SETBP1: variants seen among roughly 807,000 people sequenced by gnomAD.
The protein encoded by SETBP1 is SET-binding protein.
Under a neutral mutation model 101.0 loss-of-function variants are expected in SETBP1, and 9 were observed. That is an observed-to-expected ratio of 0.09 (90% CI 0.05 to 0.16). The LOEUF is 0.16. Among genes scored for constraint, SETBP1 ranks in the 10% least tolerant of loss-of-function variants. The pLI is 1.00. For synonymous variants in SETBP1, 818 were observed against 788.5 expected (o/e 1.04, Z -0.63); for missense variants, 1,858 against 2,033.8 (o/e 0.91, Z 1.66).
At chr18:44,789,162 T>G (rs1176441119) in intron 2 of SETBP1, among the ~76,000 whole-genome samples, 1 of 152,126 alleles carries the variant, frequency 6.6e-6, no homozygotes, top group Non-Finnish European at 1.5e-5. Context: ...AATGGACTTT[T>G]TGACTCGTTT....
At chr18:45,051,168 T>G (rs766339324) in intron 5 of SETBP1, among the ~76,000 whole-genome samples, 1 of 152,200 alleles carries the variant, frequency 6.6e-6, no homozygotes, top group Non-Finnish European at 1.5e-5. Flanking sequence ...TACACTAACT[T>G]TTCCTAGAAT....
In SETBP1 at chr18:45,056,735, G is replaced by T. The variant is rs2073814694; in HGVS notation, c.4172-6344G>T. 2.0e-5 allele frequency among the ~76,000 whole-genome samples: 3 copies of T among 152,124 alleles called. No homozygotes were observed. In the South Asian group the frequency reaches 6.2e-4, roughly 31 times the overall value. ...AGCTGCCCTGGGGCACTAACTGTTT[G>T]GTGGCCTAGCCCACTTCAGAGCTCA... On this transcript the variant is annotated intron_variant, in intron 5 of 5. Transcript: ENST00000649279.
At chr18:44,860,783 G>A (rs1031339832) in intron 2 of SETBP1, among the ~76,000 whole-genome samples, 4 of 151,826 alleles carry the variant, frequency 2.6e-5, no homozygotes, top group Admixed American at 6.6e-5. Context: ...GAAAGGGAAG[G>A]CATTTTCCCC....
At chr18:44,705,493 G>A (rs2069198794) in intron 2 of SETBP1, among the ~76,000 whole-genome samples, 1 of 152,188 alleles carries the variant, frequency 6.6e-6, no homozygotes, top group Admixed American at 6.5e-5. Flanking sequence ...CAGCCTCCAA[G>A]TTTGGAGGCT....
chr18:44,762,604 T>C (rs945832242), intron 2 of SETBP1, among the ~76,000 whole-genome samples: 1 of 152,180 alleles, frequency 6.6e-6, no homozygotes, highest in East Asian at 1.9e-4. Context: ...TAATTATTTT[T>C]CAAACAGATA....
chr18:44,712,366 C>G (rs1354131534), intron 2 of SETBP1, among the ~76,000 whole-genome samples: 33 of 152,166 alleles, frequency 2.2e-4, no homozygotes. Flanking sequence ...ATAAACTTGC[C>G]CAGGAGTGTG....
At chr18:44,698,368 A>G (rs2069055027) in intron 1 of SETBP1, among the ~76,000 whole-genome samples, 1 of 152,206 alleles carries the variant, frequency 6.6e-6, no homozygotes, top group Non-Finnish European at 1.5e-5. Context: ...CATTACCTGT[A>G]AGATAAAATC....
At chr18:45,020,856 T>C (rs1177375540) in intron 4 of SETBP1, among the ~76,000 whole-genome samples, 1 of 152,238 alleles carries the variant, frequency 6.6e-6, no homozygotes, top group Non-Finnish European at 1.5e-5. Context: ...CAGTGCAATG[T>C]GCTTTGTTCT....
intron 3 of SETBP1, among the ~76,000 whole-genome samples, chr18:44,930,753 GT>G (rs1369355306): frequency 2.0e-5 from 3 of 152,102 alleles, no homozygotes; most frequent in Non-Finnish European, 4.4e-5. Flanking sequence ...TCTGATGGTA[GT>G]TTGTAATTCT....
intron 2 of SETBP1, among the ~76,000 whole-genome samples, chr18:44,855,568 A>T (rs960019369): frequency 6.6e-6 from 1 of 152,222 alleles, no homozygotes; most frequent in Non-Finnish European, 1.5e-5. Flanking sequence ...GGGCCAACTC[A>T]TGCTAGGTGG....
intron 2 of SETBP1, among the ~76,000 whole-genome samples, chr18:44,730,597 A>G (rs967533383): frequency 3.9e-5 from 6 of 152,102 alleles, no homozygotes; most frequent in African/African-American, 1.4e-4. Flanking sequence ...TTTGCCTACC[A>G]AGAAGAAAGC....
intron 2 of SETBP1, among the ~76,000 whole-genome samples, chr18:44,759,097 A>G (rs2070576217): frequency 6.6e-6 from 1 of 152,162 alleles, no homozygotes; most frequent in Non-Finnish European, 1.5e-5. Context: ...CCCTTAGTTC[A>G]TAATTGGTGA....
rs1391934033 is a variant in SETBP1, at chr18:44,805,725, C to T, written c.487-63505C>T. On this transcript the variant is annotated intron_variant, in intron 2 of 5. Transcript: ENST00000649279. ...GAGACTGTCATCTTTTTCTTGATTT[C>T]GCCATAGCCTGACCATGGCCTTGAG... Among the ~76,000 whole-genome samples, 6 of 151,954 alleles carry T rather than the reference C, an allele frequency of 3.9e-5. No individual in the cohort carries two copies. In the East Asian group the frequency reaches 7.7e-4, roughly 20 times the overall value.
chr18:44,844,525 A>G (rs1694091719), intron 2 of SETBP1, among the ~76,000 whole-genome samples: 1 of 152,156 alleles, frequency 6.6e-6, no homozygotes, highest in South Asian at 2.1e-4. Flanking sequence ...AAGCTTAGAG[A>G]AATTCTGCAG....
At chr18:44,936,648 C>T (rs989465773) in intron 3 of SETBP1, among the ~76,000 whole-genome samples, 1 of 152,172 alleles carries the variant, frequency 6.6e-6, no homozygotes, top group Non-Finnish European at 1.5e-5. Context: ...CACGTTTGCT[C>T]TCAGTTGCAG....
At chr18:44,778,360 A>T (rs1313034619) in intron 2 of SETBP1, among the ~76,000 whole-genome samples, 1 of 152,168 alleles carries the variant, frequency 6.6e-6, no homozygotes, top group African/African-American at 2.4e-5. Flanking sequence ...TCTGAGTTTT[A>T]TTCGGGGTAT....
Position 45,062,931 on chromosome 18 carries a change from A to G in SETBP1, c.4172-148A>G, listed in dbSNP as rs527843744. 104 of 941,058 alleles carry G rather than the reference A, an allele frequency of 1.1e-4. 1 individual carries two copies. Among genetic ancestry groups the G allele is most frequent in the South Asian group, 1.1e-3 (68 of 62,650 alleles). The allele number at this position is 941,058 out of a possible 1,614,324, so 58.3% of individuals were successfully genotyped here. A position where few individuals can be genotyped will look rare whatever the true frequency, so the allele number is the denominator to read the frequency against. On this transcript the variant is annotated intron_variant, in intron 5 of 5. Coordinates refer to ENST00000649279, the MANE Select transcript of SETBP1 (RefSeq NM_015559.3). Reference sequence around the variant, plus strand: ...TTTTTATTTTAATAAAGAAAAAGGAATAATGCATCTTGGGCACGGAGACAT... The same window carrying G: ...TTTTTATTTTAATAAAGAAAAAGGAGTAATGCATCTTGGGCACGGAGACAT...
At chr18:44,684,980 A>T (rs762865571) in intron 1 of SETBP1, among the ~76,000 whole-genome samples, 1 of 152,188 alleles carries the variant, frequency 6.6e-6, no homozygotes, top group African/African-American at 2.4e-5. Flanking sequence ...CCGTTAGCTT[A>T]GAAACCAGCA....
At chr18:44,778,325 T>A (rs758869732) in intron 2 of SETBP1, among the ~76,000 whole-genome samples, 4 of 152,036 alleles carry the variant, frequency 2.6e-5, no homozygotes, top group Non-Finnish European at 5.9e-5. Context: ...TAGAGGGGGG[T>A]CACCTAATCA....
Sources: allele counts gnomAD v4.1 joint callset (sites outside exome capture counted in the v4.1 genomes callset), GRCh38; gene constraint gnomAD v4.1.1; transcripts MANE v1.5; gene names NCBI Gene and HGNC (gene_info 2026-07-23, HGNC 2026-07-21).